STXBP5: variants seen among roughly 807,000 people sequenced by gnomAD.
STXBP5 encodes the protein syntaxin binding protein 5, also known as syntaxin-binding protein 5.
In STXBP5, 50 loss-of-function variants were observed where a neutral mutation model predicts 152.4. The observed-to-expected ratio is 0.33, with a 90% CI of 0.26 to 0.42. STXBP5 has a LOEUF of 0.42. STXBP5 is among the 10% of genes least tolerant of loss of function. The pLI is 1.00. For synonymous variants in STXBP5, 492 were observed against 494.7 expected (o/e 0.99, Z 0.07); for missense variants, 1,167 against 1,388.6 (o/e 0.84, Z 2.54).
chr6:147,209,328 T>C (rs1391006149), intron 2 of STXBP5, among the ~76,000 whole-genome samples: 1 of 152,124 alleles, frequency 6.6e-6, no homozygotes, highest in Non-Finnish European at 1.5e-5. Context: ...TGATGAGGCA[T>C]GGATTGTCTT....
At chr6:147,348,202 T>C (rs1475031785) in intron 21 of STXBP5, among the ~76,000 whole-genome samples, 1 of 152,134 alleles carries the variant, frequency 6.6e-6, no homozygotes, top group Non-Finnish European at 1.5e-5. Context: ...CAAGTCAACA[T>C]TGCCACTCAA....
rs764662401 is a variant in STXBP5, at chr6:147,327,117, A to G, written c.1929-8A>G. 3 of 1,605,664 alleles carry G rather than the reference A, an allele frequency of 1.9e-6. No individual in the cohort carries two copies. Among genetic ancestry groups the G allele is most frequent in the South Asian group, 1.1e-5 (1 of 89,286 alleles). On this transcript the variant is annotated splice_region_variant and splice_polypyrimidine_tract_variant and intron_variant, in intron 17 of 27. Coordinates refer to ENST00000321680, the MANE Select transcript of STXBP5 (RefSeq NM_001127715.4). Reference sequence around the variant, plus strand: ...GTGCTAAAATGTTTGTTATTTTCCTATTCCCAGGGTGGTTTTTGGCAATTG... The same window carrying G: ...GTGCTAAAATGTTTGTTATTTTCCTGTTCCCAGGGTGGTTTTTGGCAATTG...
intron 9 of STXBP5, among the ~76,000 whole-genome samples, chr6:147,299,627 C>A (rs1320903880): frequency 6.6e-6 from 1 of 151,814 alleles, no homozygotes; most frequent in African/African-American, 2.4e-5. Flanking sequence ...CAGTAACACA[C>A]AACAAAAAAA....
At chr6:147,274,635 G>T (rs1158650480) in intron 7 of STXBP5, among the ~76,000 whole-genome samples, 1 of 151,872 alleles carries the variant, frequency 6.6e-6, no homozygotes, top group Admixed American at 6.6e-5. Flanking sequence ...TACTTTATTT[G>T]ATTATATAAG....
At chr6:147,278,281 T>C (rs1780541407) in intron 8 of STXBP5, 77 bp downstream of exon 8, 4 of 1,352,524 alleles carry the variant, frequency 3.0e-6, no homozygotes, top group Non-Finnish European at 3.9e-6. Context: ...GCATTCTGAT[T>C]TGTTTGTTTG....
chr6:147,301,873 C>G (rs866657475), intron 9 of STXBP5, among the ~76,000 whole-genome samples: 2 of 152,124 alleles, frequency 1.3e-5, no homozygotes, highest in South Asian at 2.1e-4. Flanking sequence ...TTTGTGTTCT[C>G]GTGACTTCAG....
Position 147,278,076 on chromosome 6 carries a change from T to C in STXBP5, c.715-5T>C, listed in dbSNP as rs1234567282. ...TTTTAAATGGTATTTTTCATCCTTCTATAGGCTATCCACTCTGTTGCTTGG... is the reference window on the plus strand; with the variant it reads ...TTTTAAATGGTATTTTTCATCCTTCCATAGGCTATCCACTCTGTTGCTTGG... On this transcript the variant is annotated splice_polypyrimidine_tract_variant and splice_region_variant and intron_variant, in intron 7 of 27. Transcript: ENST00000321680. 1 of 1,610,486 alleles carries C rather than the reference T, an allele frequency of 6.2e-7. No homozygotes were observed. Among genetic ancestry groups the C allele is most frequent in the South Asian group, 1.1e-5 (1 of 90,784 alleles).
In STXBP5 at chr6:147,390,173, A is replaced by G. The variant is rs1306878942; in HGVS notation, c.*5418A>G. ...TATGCATTTTGAAATACGGTTTAAA[A>G]AAAATCTGTGTATTGTTTCATCTAA... On this transcript the variant is annotated 3_prime_UTR_variant, in exon 28 of 28. Coordinates refer to ENST00000321680, the MANE Select transcript of STXBP5 (RefSeq NM_001127715.4). 6.6e-6 allele frequency: 1 copy of G among 152,014 alleles called. No individual in the cohort carries two copies. Among genetic ancestry groups the G allele is most frequent in the Non-Finnish European group, 1.5e-5 (1 of 67,936 alleles). The allele number at this position is 152,014 out of a possible 1,614,324, so 9.4% of individuals were successfully genotyped here.
intron 8 of STXBP5, among the ~76,000 whole-genome samples, chr6:147,278,663 T>C (rs1002095064): frequency 5.3e-5 from 8 of 152,148 alleles, no homozygotes; most frequent in Non-Finnish European, 1.2e-4. Flanking sequence ...CTAGATTTAA[T>C]GATTCACTAG....
rs1034744953 is a variant in STXBP5 at position 147,368,761 on chromosome 6, G to A, written c.3081+4595G>A. 2.0e-5 allele frequency among the ~76,000 whole-genome samples: 3 copies of A among 151,968 alleles called. No homozygotes were observed. In the East Asian group the frequency reaches 5.8e-4, roughly 29 times the overall value. On this transcript the variant is annotated intron_variant, in intron 25 of 27. Transcript: ENST00000321680. ...TGTGTTTGGCAAAGATGTAGATTAT[G>A]AGATAAATATACAAAAATAATTTTA...
intron 15 of STXBP5, 143 bp downstream of exon 15, chr6:147,315,878 T>C: frequency 2.8e-6 from 2 of 709,676 alleles, no homozygotes; most frequent in Non-Finnish European, 4.7e-6. Context: ...ATCTCTCTTT[T>C]GTAAAAAACA....
intron 4 of STXBP5, among the ~76,000 whole-genome samples, chr6:147,240,521 A>T (rs1778490668): frequency 6.6e-6 from 1 of 152,094 alleles, no homozygotes; most frequent in African/African-American, 2.4e-5. Context: ...TGATTCTTTT[A>T]TTTTAATTTC....
intron 18 of STXBP5, among the ~76,000 whole-genome samples, chr6:147,332,267 C>T (rs1001884507): frequency 6.6e-6 from 1 of 152,152 alleles, no homozygotes. Flanking sequence ...AAATTCTCTA[C>T]CCTCATGGAA....
intron 2 of STXBP5, among the ~76,000 whole-genome samples, chr6:147,206,423 A>G (rs184438773): frequency 2.4e-3 from 360 of 152,328 alleles, no homozygotes; most frequent in African/African-American, 8.1e-3. Context: ...AAAGACAATT[A>G]CTTTTAAAAA....
chr6:147,261,445 A>C (rs1779633737), intron 5 of STXBP5, among the ~76,000 whole-genome samples: 1 of 152,020 alleles, frequency 6.6e-6, no homozygotes, highest in Admixed American at 6.6e-5. Context: ...GGATATCAGC[A>C]AGACCCTTTT....
chr6:147,343,411 T>C (rs1784178665), intron 21 of STXBP5, among the ~76,000 whole-genome samples: 2 of 152,164 alleles, frequency 1.3e-5, no homozygotes, highest in South Asian at 2.1e-4. Context: ...GTCTTCTCTT[T>C]GTTGTTTTAT....
intron 19 of STXBP5, among the ~76,000 whole-genome samples, chr6:147,334,750 T>G (rs1783745811): frequency 6.6e-6 from 1 of 152,122 alleles, no homozygotes; most frequent in East Asian, 1.9e-4. Flanking sequence ...CAAAAGAATA[T>G]TAATTTTTAT....
rs372039468 is a variant in STXBP5, at chr6:147,389,037, CCTT to C, written c.*4286_*4288del. 66 of 151,480 alleles carry C rather than the reference CCTT, an allele frequency of 4.4e-4. No homozygotes were observed. The highest frequency in any genetic ancestry group is 1.4e-3 in the African/African-American group (59 of 41,450). 9.4% of individuals were successfully genotyped at this position (151,480 alleles called of 1,614,324 possible). On this transcript the variant is annotated 3_prime_UTR_variant, in exon 28 of 28. Coordinates refer to ENST00000321680, the MANE Select transcript of STXBP5 (RefSeq NM_001127715.4). ...AAAAGCACTCCTATATCTTAAATGT[CCTT>C]CTTTTTTCTTTTCCCTTTTAGGGTA...
At position 147,387,787 on chromosome 6, in the gene STXBP5, T is replaced by A. The variant is rs1786412122; in HGVS notation, c.*3032T>A. On this transcript the variant is annotated 3_prime_UTR_variant, in exon 28 of 28. Transcript: ENST00000321680. Reference sequence around the variant, plus strand: ...TACAATAGTTTAAAGAACGAAGCAATTTTTTTTTTTTTGGCTTAGAACTTC... The same window carrying A: ...TACAATAGTTTAAAGAACGAAGCAAATTTTTTTTTTTTGGCTTAGAACTTC... The A allele has an allele frequency of 7.3e-6, 1 of 136,986 alleles. No homozygotes were observed. Among genetic ancestry groups the A allele is most frequent in the African/African-American group, 2.9e-5 (1 of 34,258 alleles). 8.5% of individuals were successfully genotyped at this position (136,986 alleles called of 1,614,324 possible).
Sources: gnomAD v4.1 joint callset for allele counts (sites outside exome capture counted in the v4.1 genomes callset) on GRCh38, gnomAD v4.1.1 for gene constraint, MANE v1.5 for transcripts, NCBI Gene and HGNC (gene_info 2026-07-23, HGNC 2026-07-21) for gene names.